DPF1: variants seen among roughly 807,000 people sequenced by gnomAD.
DPF1 encodes the protein double PHD fingers 1.
DPF1 carries 14 observed loss-of-function variants against 58.7 expected under a neutral mutation model. The ratio of observed to expected loss-of-function variants is 0.24; its 90% CI spans 0.16 to 0.37. The LOEUF (loss-of-function observed/expected upper bound fraction) is 0.37, where lower values mean the gene tolerates loss of function less well. Among genes scored for constraint, DPF1 ranks in the 10% least tolerant of loss-of-function variants. The probability of loss-of-function intolerance (pLI) is 1.00; values close to 1 mark genes in which losing one functional copy is unlikely to be tolerated. For missense variants in DPF1, 345 were observed against 529.9 expected (o/e 0.65, Z 3.43); for synonymous variants, 216 against 216.0 (o/e 1.00, Z 0.00).
In DPF1 at chr19:38,219,024, G is replaced by A. The variant is rs757020428; in HGVS notation, c.333C>T (p.Leu111=). Residue 111 remains leucine (L), a synonymous_variant, in exon 4 of 12, where the codon CTC becomes CTT. Transcript: ENST00000355526. The stretch of plus-strand genomic sequence containing the variant: ...GAGCCTCGAGGACCGGCCCTTCCGG[G>A]AGGCCACCCTCCTTCTTCAGGGGTG... ...CEAPLKKEGG[L]PEGPVLEALL... The A allele has an allele frequency of 2.5e-6, 4 of 1,614,162 alleles. No individual in the cohort carries two copies. The highest frequency in any genetic ancestry group is 3.4e-6 in the Non-Finnish European group (4 of 1,180,022).
chr19:38,217,705 A>G lies in DPF1; in HGVS notation c.595+93T>C. The G allele has an allele frequency of 1.9e-6, 3 of 1,582,822 alleles. No homozygotes were observed. The South Asian group carries it at 3.4e-5, about 18-fold the overall frequency. The stretch of plus-strand genomic sequence containing the variant: ...CAGCCAGAGACCTGAGCAGCCTCCC[A>G]ACCCGGGTCTGGAACGGGAGGGAGA... On this transcript the variant is annotated intron_variant, in intron 6 of 11. Coordinates refer to ENST00000355526, the MANE Select transcript of DPF1 (RefSeq NM_001135155.3).
In DPF1 at chr19:38,218,561, T is replaced by C. The variant is rs1967207057; in HGVS notation, c.516+12A>G. Reference sequence around the variant, plus strand: ...GAGGGGAGCGGGGAAGAGGAGAAGCTTGGGGTGATACCTTTCCTTTGGCCC... The same window carrying C: ...GAGGGGAGCGGGGAAGAGGAGAAGCCTGGGGTGATACCTTTCCTTTGGCCC... On this transcript the variant is annotated intron_variant, in intron 5 of 11. Transcript: ENST00000355526. The C allele has an allele frequency of 6.2e-7, 1 of 1,613,658 alleles. No individual in the cohort carries two copies. The highest frequency in any genetic ancestry group is 1.7e-5 in the Admixed American group (1 of 59,996).
intron 10 of DPF1, 21 bp downstream of exon 10, chr19:38,213,623 C>CG (rs777721569): frequency 4.4e-6 from 7 of 1,602,238 alleles, no homozygotes; most frequent in Non-Finnish European, 3.4e-6. Flanking sequence ...GCAGGGCACG[C>CG]GGGGGGCGGG....
chr19:38,217,854 C>T lies in DPF1; in HGVS notation c.539G>A (p.Arg180Gln), dbSNP rs774380444. 1.9e-6 allele frequency: 3 copies of T among 1,614,082 alleles called. No homozygotes were observed. Among genetic ancestry groups the T allele is most frequent in the South Asian group, 1.1e-5 (1 of 91,074 alleles). Residue 180 changes from arginine (R) to glutamine (Q), a missense_variant, in exon 6 of 12, where the codon CGG (arginine) becomes CAG (glutamine). Arg to Gln is a conservative substitution (Grantham distance 43). Coordinates refer to ENST00000355526, the MANE Select transcript of DPF1 (RefSeq NM_001135155.3). ...CAGGGAAGCGGTGTCCTGGCGTTTC[C>T]GGAGACCCCCGATGCCATATGCCTG... is the stretch of plus-strand genomic sequence containing the variant. ...KGKAYGIGGL[R>Q]KRQDTASLED...
At chr19:38,214,802 G>A (rs913659269) in intron 9 of DPF1, among the ~76,000 whole-genome samples, 1 of 150,914 alleles carries the variant, frequency 6.6e-6, no homozygotes, top group Non-Finnish European at 1.5e-5. Context: ...GAGTAGCTGG[G>A]ACTAATGGGG....
At chr19:38,217,680 C>G (rs1967133142) in intron 6 of DPF1, 89 bp from the exon 7 acceptor site, 1 of 1,546,048 alleles carries the variant, frequency 6.5e-7, no homozygotes. Flanking sequence ...CCTCCCCCCT[C>G]AGCCAGAGAC....
rs546935492 is a variant in DPF1, at chr19:38,220,654, A to G, written c.299-1596T>C. On this transcript the variant is annotated intron_variant, in intron 3 of 11. Coordinates refer to ENST00000355526, the MANE Select transcript of DPF1 (RefSeq NM_001135155.3). ...AAAAAGAAAAAGAAAAAAGAAAAAAAGAAAGAAACAATTAGCCCTCCAGAT... is the reference window on the plus strand; with the variant it reads ...AAAAAGAAAAAGAAAAAAGAAAAAAGGAAAGAAACAATTAGCCCTCCAGAT... 4.6e-5 allele frequency among the ~76,000 whole-genome samples: 7 copies of G among 152,234 alleles called. No individual in the cohort carries two copies. In the East Asian group the frequency reaches 1.2e-3, roughly 25 times the overall value.
Position 38,222,229 on chromosome 19 carries a change from C to T in DPF1, c.298+128G>A. 2.5e-6 allele frequency: 2 copies of T among 810,764 alleles called. No homozygotes were observed. Among genetic ancestry groups the T allele is most frequent in the Non-Finnish European group, 3.9e-6 (2 of 515,126 alleles). The allele number at this position is 810,764 out of a possible 1,614,324, so 50.2% of individuals were successfully genotyped here. A position where few individuals can be genotyped will look rare whatever the true frequency, so the allele number is the denominator to read the frequency against. ...GAATCTCTGGGAAACACCCGGGACG[C>T]ACATGGGCAGACAGACACACAGCCA... On this transcript the variant is annotated intron_variant, in intron 3 of 11. Transcript: ENST00000355526. The surrounding 1 kb of genome is among the most constrained non-coding windows in gnomAD (Gnocchi z 4.9).
At position 38,222,543 on chromosome 19, in the gene DPF1, G is replaced by A. The variant is rs752519932; in HGVS notation, c.190+5C>T. The A allele has an allele frequency of 6.2e-7, 1 of 1,605,802 alleles. No homozygotes were observed. The highest frequency in any genetic ancestry group is 8.5e-7 in the Non-Finnish European group (1 of 1,176,452). ...CCCGCCCTGCGCCAGCCCTCCCGGC[G>A]GTACCCGGCCCGCGGTGGGTCTTCT... On this transcript the variant is annotated splice_donor_5th_base_variant and intron_variant, in intron 2 of 11. Transcript: ENST00000355526. The surrounding 1 kb of genome is among the most constrained non-coding windows in gnomAD (Gnocchi z 4.9).
rs1600277620 is a variant in DPF1 at position 38,222,330 on chromosome 19, G to A, written c.298+27C>T. 2 of 1,569,684 alleles carry A rather than the reference G, an allele frequency of 1.3e-6. No homozygotes were observed. The highest frequency in any genetic ancestry group is 1.7e-6 in the Non-Finnish European group (2 of 1,159,412). Reference sequence around the variant, plus strand: ...GACACACAGCAGGCGCTGGGACACCGATGGGGGCCCCAGCGGCTGCACCCA... The same window carrying A: ...GACACACAGCAGGCGCTGGGACACCAATGGGGGCCCCAGCGGCTGCACCCA... On this transcript the variant is annotated intron_variant, in intron 3 of 11. Coordinates refer to ENST00000355526, the MANE Select transcript of DPF1 (RefSeq NM_001135155.3). The surrounding 1 kb of genome is among the most constrained non-coding windows in gnomAD (Gnocchi z 4.9).
intron 7 of DPF1, 101 bp downstream of exon 7, chr19:38,217,359 T>G: frequency 7.0e-7 from 1 of 1,421,772 alleles, no homozygotes. Flanking sequence ...AGCTGGAGAT[T>G]TTCCAGAAAT....
chr19:38,216,538 T>A, intron 7 of DPF1, 135 bp from the exon 8 acceptor site: 1 of 1,057,918 alleles, frequency 9.5e-7, no homozygotes, highest in Non-Finnish European at 1.3e-6. Context: ...CCCCAAGCTG[T>A]GGGGAGAGGT....
chr19:38,224,819 T>C (rs150890944), upstream of DPF1, among the ~76,000 whole-genome samples: 1 of 152,360 alleles, frequency 6.6e-6, no homozygotes, highest in African/African-American at 2.4e-5. This position sits in a 1 kb window ranked among gnomAD's most constrained non-coding sequence, Gnocchi z 4.5. Context: ...ATCCTAGCTC[T>C]GCCACTTGGT....
rs1251573122 is a variant in DPF1 at position 38,212,035 on chromosome 19, C to T, written c.*28G>A. 6.2e-7 allele frequency: 1 copy of T among 1,601,562 alleles called. No homozygotes were observed. Among genetic ancestry groups the T allele is most frequent in the Admixed American group, 1.7e-5 (1 of 57,644 alleles). ...CGGAGAGGCAGGTAGGCGAGCACCA[C>T]CCCAGAGTCGCGGCGAGCCGAGCCG... On this transcript the variant is annotated 3_prime_UTR_variant, in exon 12 of 12. Coordinates refer to ENST00000355526, the MANE Select transcript of DPF1 (RefSeq NM_001135155.3).
chr19:38,216,309 C>T, intron 8 of DPF1, 44 bp downstream of exon 8: 1 of 1,609,184 alleles, frequency 6.2e-7, no homozygotes, highest in Non-Finnish European at 8.5e-7. Flanking sequence ...GGGCACCCCG[C>T]AAAGGTGGCT....
intron 3 of DPF1, chr19:38,219,390 A>G: frequency 3.4e-6 from 1 of 293,354 alleles, no homozygotes; most frequent in South Asian, 5.3e-5. Context: ...GGACAGATCC[A>G]GACACTCGCA....
At chr19:38,226,777 C>T (rs1967842139), upstream of DPF1, among the ~76,000 whole-genome samples, 1 of 151,922 alleles carries the variant, frequency 6.6e-6, no homozygotes, top group Non-Finnish European at 1.5e-5. Flanking sequence ...TCTCTCACCT[C>T]CCATTAGCTC....
At chr19:38,227,029 CCTTCCTTT>C (rs1268085132), upstream of DPF1, among the ~76,000 whole-genome samples, 1,817 of 136,238 alleles carry the variant, frequency 0.013, 37 homozygotes, top group African/African-American at 0.047. Context: ...TTCCTTCCTT[CCTTCCTTT>C]CTTTCTTTCT....
chr19:38,214,873 A>G (rs901709767), intron 9 of DPF1, among the ~76,000 whole-genome samples: 2 of 123,394 alleles, frequency 1.6e-5, no homozygotes, highest in Non-Finnish European at 3.2e-5. Context: ...TCTTGCTCTG[A>G]TACCCAGGGT....
Sources: gnomAD v4.1 joint callset for allele counts (sites outside exome capture counted in the v4.1 genomes callset) on GRCh38, gnomAD v4.1.1 for gene constraint, Gnocchi (gnomAD v3.1) non-coding constraint, MANE v1.5 for transcripts, NCBI Gene and HGNC (gene_info 2026-07-23, HGNC 2026-07-21) for gene names.